The following DMAC2 variants were observed in gnomAD, a reference collection of about 807,000 sequenced individuals.
The protein encoded by DMAC2 is distal membrane-arm assembly complex protein 2.
In DMAC2, 32 loss-of-function variants were observed where a neutral mutation model predicts 29.6. That is an observed-to-expected ratio of 1.08 (90% CI 0.81 to 1.45). The LOEUF is 1.45. DMAC2 is among the 40% of genes most tolerant of loss of function. The pLI is 0.00. For missense variants in DMAC2, 319 were observed against 340.0 expected, an observed-to-expected ratio of 0.94 and a Z score of 0.49; for synonymous variants, 133 against 137.4, an observed-to-expected ratio of 0.97 and a Z score of 0.23.
chr19:41,435,862 G>A (rs555512807), intron 3 of DMAC2, among the ~76,000 whole-genome samples: 142 of 150,698 alleles, frequency 9.4e-4, no homozygotes, highest in South Asian at 2.1e-3. Flanking sequence ...GCCCAGCTCC[G>A]TTCAGTCTTT....
In DMAC2 at chr19:41,431,871, CTG is replaced by C. The variant is rs2122179662; in HGVS notation, c.*358_*359del. 3.3e-6 allele frequency: 1 copy of C among 302,772 alleles called. No individual in the cohort carries two copies. Among genetic ancestry groups the C allele is most frequent in the South Asian group, 3.9e-5 (1 of 25,318 alleles). 18.8% of individuals were successfully genotyped at this position (302,772 alleles called of 1,614,324 possible). A position where few individuals can be genotyped will look rare whatever the true frequency, so the allele number is the denominator to read the frequency against. On this transcript the variant is annotated 3_prime_UTR_variant, in exon 6 of 6. Transcript: ENST00000221943. ...CCCTGTAAAGTGTCAGTAGTAGCCCCTGTGTCAGTCAGGGTCCCTGCAAGAAA... is the reference window on the plus strand; with the variant it reads ...CCCTGTAAAGTGTCAGTAGTAGCCCCTGTCAGTCAGGGTCCCTGCAAGAAA...
Position 41,432,391 on chromosome 19 carries a change from T to G in DMAC2, c.614A>C (p.Asp205Ala). ...GGACACGGCAGGGAGGTCCGAGATG[T>G]CCAGCCTGCGGAGGTTCCTGAAAAG... ...LHHLQNLRRL[D>A]ISDLPAVSNP... The change falls in exon 6 of 6, where the codon GAC (aspartate) becomes GCC (alanine). Residue 205 changes from aspartate to alanine, a missense_variant. Coordinates refer to ENST00000221943, the MANE Select transcript of DMAC2 (RefSeq NM_018035.3). 1 of 1,613,802 alleles carries G rather than the reference T, an allele frequency of 6.2e-7. No individual in the cohort carries two copies. The highest frequency in any genetic ancestry group is 1.1e-5 in the South Asian group (1 of 91,080).
At chr19:41,439,791 T>C in intron 1 of DMAC2, 91 bp downstream of exon 1, 1 of 1,594,802 alleles carries the variant, frequency 6.3e-7, no homozygotes, top group Non-Finnish European at 8.6e-7. Flanking sequence ...CCTCACGGCT[T>C]TCTGCTCTCG....
intron 2 of DMAC2, among the ~76,000 whole-genome samples, chr19:41,437,784 G>A (rs1165784319): frequency 2.0e-5 from 3 of 152,176 alleles, no homozygotes; most frequent in Non-Finnish European, 4.4e-5. Flanking sequence ...TACGAATGGT[G>A]AAGGCAGTGA....
intron 5 of DMAC2, 43 bp from the exon 6 acceptor site, chr19:41,432,451 C>T: frequency 6.3e-7 from 1 of 1,593,252 alleles, no homozygotes; most frequent in Non-Finnish European, 8.6e-7. Context: ...GTAAGGACAG[C>T]ATGTGTGTGT....
chr19:41,439,726 C>A (rs2040056212), intron 1 of DMAC2, 156 bp downstream of exon 1: 2 of 1,362,760 alleles, frequency 1.5e-6, no homozygotes, highest in African/African-American at 2.9e-5. Context: ...TTCCTGGCCC[C>A]CACTAGCCAC....
chr19:41,431,334 A>T lies in DMAC2; in HGVS notation c.*897T>A. On this transcript the variant is annotated 3_prime_UTR_variant, in exon 6 of 6. Transcript: ENST00000221943. Reference sequence around the variant, plus strand: ...ACCACAGAGTAACTTGAACAGGGAAAGTTTAATATAGAGAATTACTGGCTT... The same window carrying T: ...ACCACAGAGTAACTTGAACAGGGAATGTTTAATATAGAGAATTACTGGCTT... 1.9e-6 allele frequency: 1 copy of T among 518,168 alleles called. No individual in the cohort carries two copies. Among genetic ancestry groups the T allele is most frequent in the Non-Finnish European group, 3.9e-6 (1 of 259,150 alleles). The allele number at this position is 518,168 out of a possible 1,614,324, so 32.1% of individuals were successfully genotyped here.
intron 3 of DMAC2, among the ~76,000 whole-genome samples, chr19:41,435,373 G>A (rs545520426): frequency 6.6e-6 from 1 of 152,012 alleles, no homozygotes; most frequent in African/African-American, 2.4e-5. Flanking sequence ...GGCTTCTAAG[G>A]GATTCTCCTG....
chr19:41,433,767 T>A (rs1285254546), intron 3 of DMAC2, 94 bp from the exon 4 acceptor site: 3 of 1,500,886 alleles, frequency 2.0e-6, no homozygotes, highest in Non-Finnish European at 2.7e-6. Flanking sequence ...ATAATATGTA[T>A]AGGTCACCCT....
intron 5 of DMAC2, 114 bp from the exon 6 acceptor site, chr19:41,432,522 G>T (rs1197600077): frequency 2.0e-5 from 20 of 990,180 alleles, no homozygotes; most frequent in Non-Finnish European, 2.9e-5. Context: ...GTAAGCCAGT[G>T]TAAGGACAGC....
chr19:41,433,800 GAA>G (rs1359924599), intron 3 of DMAC2, 127 bp from the exon 4 acceptor site: 19 of 1,311,862 alleles, frequency 1.4e-5, no homozygotes, highest in Middle Eastern at 2.1e-4. Context: ...TTCCATCTTA[GAA>G]AAAGACTCCA....
chr19:41,438,188 C>T (rs367931213), intron 2 of DMAC2, 30 bp downstream of exon 2: 241 of 1,597,704 alleles, frequency 1.5e-4, no homozygotes, highest in Non-Finnish European at 1.9e-4. Context: ...CCAGGGTCTC[C>T]ACAGGGTCTT....
chr19:41,439,431 G>C, intron 1 of DMAC2: 1 of 1,491,898 alleles, frequency 6.7e-7, no homozygotes, highest in Non-Finnish European at 9.0e-7. Flanking sequence ...ATGCTTTTGA[G>C]TTTTCTGTAA....
At chr19:41,433,048 A>G (rs538443612) in intron 5 of DMAC2, 139 of 561,562 alleles carry the variant, frequency 2.5e-4, no homozygotes, top group African/African-American at 1.4e-3. Flanking sequence ...CAGCGTCGAT[A>G]TCACACAGTT....
Position 41,432,336 on chromosome 19 carries a change from C to T in DMAC2, c.669G>A (p.Glu223=). The change falls in exon 6 of 6, where the codon GAG becomes GAA. Residue 223 remains glutamate (E), a synonymous_variant. Transcript: ENST00000221943. Reference sequence around the variant, plus strand: ...CAACCTCGCAATTGGGCAGCATCTCCTCCACCAATATCTGAGTGAGGCCAG... The same window carrying T: ...CAACCTCGCAATTGGGCAGCATCTCTTCCACCAATATCTGAGTGAGGCCAG... ...SNPGLTQILV[E]EMLPNCEVVG... is the part of the protein sequence containing the mutation. 6.2e-7 allele frequency: 1 copy of T among 1,614,200 alleles called. No homozygotes were observed. Among genetic ancestry groups the T allele is most frequent in the East Asian group, 2.2e-5 (1 of 44,884 alleles).
Position 41,438,422 on chromosome 19 carries a change from G to C in DMAC2, c.19-8C>G, listed in dbSNP as rs1254376516. The stretch of plus-strand genomic sequence containing the variant: ...GGCGACCAGGCGCAGGGACTGGGGA[G>C]GGGGAGAGGAAAGGAGCTGAGCCTG... On this transcript the variant is annotated splice_polypyrimidine_tract_variant and splice_region_variant and intron_variant, in intron 1 of 5. Transcript: ENST00000221943. The C allele has an allele frequency of 1.2e-6, 2 of 1,608,636 alleles. No homozygotes were observed. Among genetic ancestry groups the C allele is most frequent in the African/African-American group, 1.3e-5 (1 of 74,824 alleles).
Position 41,433,155 on chromosome 19 carries a change from T to TGGATGCA in DMAC2, c.596+110_596+116dup, listed in dbSNP as rs2039663149. 4 of 1,134,634 alleles carry TGGATGCA rather than the reference T, an allele frequency of 3.5e-6. No individual in the cohort carries two copies. In the South Asian group the frequency reaches 6.5e-5, roughly 18 times the overall value. The allele number at this position is 1,134,634 out of a possible 1,614,324, so 70.3% of individuals were successfully genotyped here. Reference sequence around the variant, plus strand: ...TACCATAAATACTCTAGGTTTGTGATGGATGCAGGGGGATATGAGAACTGC... The same window carrying TGGATGCA: ...TACCATAAATACTCTAGGTTTGTGATGGATGCAGGATGCAGGGGGATATGAGAACTGC... On this transcript the variant is annotated intron_variant, in intron 5 of 5. Transcript: ENST00000221943.
rs2122238605 is a variant in DMAC2, at chr19:41,435,492, A to AGC, written c.296+899_296+900insGC. Among the ~76,000 whole-genome samples, 4 of 152,104 alleles carry AGC rather than the reference A, an allele frequency of 2.6e-5. No homozygotes were observed. The East Asian group carries it at 7.7e-4, about 29-fold the overall frequency. ...ACCACGTTGGCTAGGCTGGTCTCGAACTCCTGACCTCAGATGATCCACCAG... is the reference window on the plus strand; with the variant it reads ...ACCACGTTGGCTAGGCTGGTCTCGAAGCCTCCTGACCTCAGATGATCCACCAG... On this transcript the variant is annotated intron_variant, in intron 3 of 5. Coordinates refer to ENST00000221943, the MANE Select transcript of DMAC2 (RefSeq NM_018035.3).
In DMAC2 at chr19:41,431,529, CG is replaced by C; in HGVS notation, c.*701del. 1 of 349,178 alleles carries C rather than the reference CG, an allele frequency of 2.9e-6. No homozygotes were observed. Among genetic ancestry groups the C allele is most frequent in the Admixed American group, 3.8e-5 (1 of 25,988 alleles). The allele number at this position is 349,178 out of a possible 1,614,324, so 21.6% of individuals were successfully genotyped here. On this transcript the variant is annotated 3_prime_UTR_variant, in exon 6 of 6. Coordinates refer to ENST00000221943, the MANE Select transcript of DMAC2 (RefSeq NM_018035.3). ...GAGGGTGCCAAGGGCAGCTGCTGAC[CG>C]CCTGGTGCTTCAGGAGCTGGGTGCT...
Sources: allele counts gnomAD v4.1 joint callset (sites outside exome capture counted in the v4.1 genomes callset), GRCh38; gene constraint gnomAD v4.1.1; transcripts MANE v1.5; gene names NCBI Gene and HGNC (gene_info 2026-07-23, HGNC 2026-07-21).